Variants in COL22A1 observed in about 807,000 individuals in gnomAD.
COL22A1 encodes the protein collagen type XXII alpha 1 chain, also known as collagen alpha-1(XXII) chain.
COL22A1 carries 221 observed loss-of-function variants against 248.9 expected under a neutral mutation model. That is an observed-to-expected ratio of 0.89 (90% CI 0.80 to 0.99). The LOEUF (loss-of-function observed/expected upper bound fraction) is 0.99. Ranked by LOEUF, COL22A1 falls within the 50% of genes least tolerant of loss-of-function variation. The pLI, the probability that COL22A1 is intolerant of heterozygous loss-of-function variation, is 0.00. For missense variants in COL22A1, 2,240 were observed against 2,179.0 expected (o/e 1.03, Z -0.56); for synonymous variants, 891 against 793.4 (o/e 1.12, Z -2.07).
chr8:138,902,174 G>A (rs998689653), intron 1 of COL22A1, among the ~76,000 whole-genome samples: 4 of 152,146 alleles, frequency 2.6e-5, no homozygotes, highest in South Asian at 2.1e-4. Context: ...GTGGATGCCC[G>A]AAACACAATG....
At chr8:138,829,885 G>A (rs1819897500) in intron 5 of COL22A1, among the ~76,000 whole-genome samples, 1 of 151,960 alleles carries the variant, frequency 6.6e-6, no homozygotes, top group Non-Finnish European at 1.5e-5. Flanking sequence ...TTATTCCCCT[G>A]ATTATAATAA....
intron 12 of COL22A1, among the ~76,000 whole-genome samples, chr8:138,796,465 G>A (rs982461856): frequency 9.6e-5 from 7 of 73,022 alleles, no homozygotes; most frequent in African/African-American, 3.7e-4. Flanking sequence ...ATCTCTTTGT[G>A]TTTATCTTAA....
chr8:138,876,324 G>A (rs116739715), intron 3 of COL22A1, among the ~76,000 whole-genome samples: 5,324 of 152,210 alleles, frequency 0.035, 341 homozygotes, highest in African/African-American at 0.12. Context: ...ATCATTCTCA[G>A]TATCCCCACA....
intron 3 of COL22A1, among the ~76,000 whole-genome samples, chr8:138,858,007 CCT>C (rs1219405138): frequency 6.6e-6 from 1 of 152,224 alleles, no homozygotes; most frequent in Non-Finnish European, 1.5e-5. Context: ...ATGGCTTTGC[CCT>C]CTGTCTTTGA....
At chr8:138,601,847 T>C (rs368309651) in intron 60 of COL22A1, among the ~76,000 whole-genome samples, 1 of 152,068 alleles carries the variant, frequency 6.6e-6, no homozygotes, top group African/African-American at 2.4e-5. Context: ...TCTCTAATTG[T>C]GATGATTTTA....
At chr8:138,845,516 A>AAAATAAATAAATAAAT (rs10633143) in intron 3 of COL22A1, among the ~76,000 whole-genome samples, 19 of 147,502 alleles carry the variant, frequency 1.3e-4, no homozygotes, top group Admixed American at 2.7e-4. Context: ...CTCCACCTCA[A>AAAATAAATAAATAAAT]AAATAAATAA....
intron 22 of COL22A1, among the ~76,000 whole-genome samples, chr8:138,743,099 TTGA>T (rs769866035): frequency 1.6e-5 from 2 of 129,026 alleles, no homozygotes; most frequent in Non-Finnish European, 3.3e-5. Context: ...GATGGTGGAG[TTGA>T]TGAGGGTGAT....
At position 138,594,283 on chromosome 8, in the gene COL22A1, C is replaced by A. The variant is rs1587622535; in HGVS notation, c.4433-84G>T. ...ATGGCTACTCACTGACAACTCAGAA[C>A]CAGGGGGCCGATAATAGCTGCAGAA... On this transcript the variant is annotated intron_variant, in intron 62 of 64. Transcript: ENST00000303045. The A allele has an allele frequency of 3.2e-6, 4 of 1,237,550 alleles. No individual in the cohort carries two copies. The Admixed American group carries it at 8.8e-5, about 27-fold the overall frequency. The allele number at this position is 1,237,550 out of a possible 1,614,324, so 76.7% of individuals were successfully genotyped here. A position where few individuals can be genotyped will look rare whatever the true frequency, so the allele number is the denominator to read the frequency against.
At chr8:138,846,645 G>C (rs1297559414) in intron 3 of COL22A1, among the ~76,000 whole-genome samples, 1 of 152,186 alleles carries the variant, frequency 6.6e-6, no homozygotes, top group African/African-American at 2.4e-5. Context: ...GGGTCCACCT[G>C]CTTGGCAAGG....
chr8:138,850,597 C>G (rs930772700), intron 3 of COL22A1, among the ~76,000 whole-genome samples: 2 of 152,188 alleles, frequency 1.3e-5, no homozygotes, highest in Admixed American at 1.3e-4. Context: ...GAAACAGTAA[C>G]AAGGTAAGGG....
chr8:138,735,272 C>A (rs191695512), intron 23 of COL22A1, among the ~76,000 whole-genome samples: 13 of 152,244 alleles, frequency 8.5e-5, no homozygotes, highest in Admixed American at 7.8e-4. Context: ...AGGCAGTGGC[C>A]CCATCCAGGC....
At chr8:138,640,534 GCCTCCTCCAGGTGGCAACTAAAATCCTA>G (rs1358518181) in intron 47 of COL22A1, among the ~76,000 whole-genome samples, 3 of 151,958 alleles carry the variant, frequency 2.0e-5, no homozygotes, top group Non-Finnish European at 2.9e-5. Context: ...TTAAAATCCT[GCCTCCTCCAGGTGGCAACTAAAATCCTA>G]CCTCCTCCAG....
intron 31 of COL22A1, among the ~76,000 whole-genome samples, chr8:138,702,613 GA>G (rs35091276): frequency 0.034 from 4,785 of 141,482 alleles, 91 homozygotes; most frequent in African/African-American, 0.074. Flanking sequence ...CATTAAAGTG[GA>G]AAAAAAAAAA....
chr8:138,609,743 TAAGG>T (rs1818713421), intron 56 of COL22A1, among the ~76,000 whole-genome samples: 1 of 152,016 alleles, frequency 6.6e-6, no homozygotes, highest in South Asian at 2.1e-4. Flanking sequence ...GCAGAGAGGA[TAAGG>T]GCCAAGACAC....
intron 3 of COL22A1, among the ~76,000 whole-genome samples, chr8:138,867,868 G>A (rs1257171350): frequency 2.0e-5 from 3 of 152,216 alleles, no homozygotes; most frequent in East Asian, 1.9e-4. Context: ...TGGTTCAAGC[G>A]AGTCTCGTGC....
At chr8:138,691,325 GTA>G (rs1245445525) in intron 35 of COL22A1, among the ~76,000 whole-genome samples, 2 of 151,844 alleles carry the variant, frequency 1.3e-5, no homozygotes, top group African/African-American at 4.8e-5. Flanking sequence ...TTGTGGAAGC[GTA>G]TGTGTGTGCA....
At chr8:138,853,454 C>A (rs529222278) in intron 3 of COL22A1, among the ~76,000 whole-genome samples, 1 of 152,212 alleles carries the variant, frequency 6.6e-6, no homozygotes, top group Non-Finnish European at 1.5e-5. Context: ...AATGCCTCCA[C>A]AACAGGTCTC....
intron 47 of COL22A1, among the ~76,000 whole-genome samples, chr8:138,639,565 C>G (rs748800597): frequency 3.9e-5 from 6 of 152,202 alleles, no homozygotes; most frequent in Non-Finnish European, 7.3e-5. Context: ...TTAATTCCCC[C>G]TGTTGAAAAT....
chr8:138,813,094 G>A (rs1415025647), intron 7 of COL22A1, 75 bp from the exon 8 acceptor site: 2 of 1,110,798 alleles, frequency 1.8e-6, no homozygotes, highest in East Asian at 2.4e-5. Flanking sequence ...TTTCACACAG[G>A]CCCCGTCCTG....
Sources: gnomAD v4.1 joint callset for allele counts (sites outside exome capture counted in the v4.1 genomes callset) on GRCh38, gnomAD v4.1.1 for gene constraint, MANE v1.5 for transcripts, NCBI Gene and HGNC (gene_info 2026-07-23, HGNC 2026-07-21) for gene names.